Variants in BCKDHB observed in about 807,000 individuals in gnomAD.
BCKDHB encodes the protein 2-oxoisovalerate dehydrogenase subunit beta, mitochondrial.
BCKDHB carries 41 observed loss-of-function variants against 48.5 expected under a neutral mutation model. That is an observed-to-expected ratio of 0.85 (90% CI 0.66 to 1.10). The LOEUF (loss-of-function observed/expected upper bound fraction) is 1.10, where lower values mean the gene tolerates loss of function less well. Among genes scored for constraint, BCKDHB ranks in the 50% least tolerant of loss-of-function variants. BCKDHB has a pLI of 0.00. For synonymous variants in BCKDHB, 201 were observed against 174.8 expected (o/e 1.15, Z -1.18); for missense variants, 496 against 494.2 (o/e 1.00, Z -0.03).
At chr6:80,110,039 C>T (rs1582155616) in intron 1 of BCKDHB, among the ~76,000 whole-genome samples, 1 of 152,348 alleles carries the variant, frequency 6.6e-6, no homozygotes, top group East Asian at 1.9e-4. Context: ...AAATACTTTT[C>T]ACTCTTTTAT....
At chr6:80,172,130 G>A (rs1315629770) in intron 6 of BCKDHB, among the ~76,000 whole-genome samples, 1 of 151,894 alleles carries the variant, frequency 6.6e-6, no homozygotes, top group Non-Finnish European at 1.5e-5. Flanking sequence ...GTTCTTTTGT[G>A]TTTGCTTTCT....
chr6:80,362,503 G>A, the BCKDHB span, among the ~76,000 whole-genome samples: 6 of 152,074 alleles, frequency 3.9e-5, no homozygotes, highest in Admixed American at 6.5e-5. Context: ...TTTTCTTGTG[G>A]GAATAGTGCT....
At chr6:80,243,110 A>G (rs1776456353) in intron 8 of BCKDHB, among the ~76,000 whole-genome samples, 1 of 152,322 alleles carries the variant, frequency 6.6e-6, no homozygotes, top group African/African-American at 2.4e-5. Flanking sequence ...CTAGTCACTG[A>G]AAGACTGGAC....
At chr6:80,262,301 G>C (rs1473995219) in intron 8 of BCKDHB, among the ~76,000 whole-genome samples, 4 of 152,122 alleles carry the variant, frequency 2.6e-5, no homozygotes, top group African/African-American at 9.7e-5. Context: ...TATTTAGTAT[G>C]ATGCCCTGGC....
intron 9 of BCKDHB, among the ~76,000 whole-genome samples, chr6:80,304,627 C>T (rs1048585380): frequency 6.6e-6 from 1 of 152,054 alleles, no homozygotes; most frequent in Non-Finnish European, 1.5e-5. Context: ...CAAAACCAGA[C>T]AAGGATAATT....
At chr6:80,300,506 A>G (rs1767524094) in intron 9 of BCKDHB, among the ~76,000 whole-genome samples, 1 of 152,236 alleles carries the variant, frequency 6.6e-6, no homozygotes, top group African/African-American at 2.4e-5. Context: ...CCAGTTTCAT[A>G]AAACAGTTTC....
intron 6 of BCKDHB, among the ~76,000 whole-genome samples, chr6:80,192,822 CTT>C (rs11415441): frequency 6.9e-6 from 1 of 145,210 alleles, no homozygotes; most frequent in Non-Finnish European, 1.5e-5. Context: ...TATTTGCCAA[CTT>C]TTTTTTTTTT....
At chr6:80,327,632 T>C (rs1769098672) in intron 9 of BCKDHB, among the ~76,000 whole-genome samples, 1 of 152,178 alleles carries the variant, frequency 6.6e-6, no homozygotes, top group Admixed American at 6.5e-5. Flanking sequence ...TAAATAGTGT[T>C]TTCTCTGCCC....
At chr6:80,446,641 G>A in the BCKDHB span, among the ~76,000 whole-genome samples, 1 of 151,510 alleles carries the variant, frequency 6.6e-6, no homozygotes, top group Admixed American at 6.6e-5. Context: ...TAAAGAAAGA[G>A]GAAAGAAACA....
chr6:80,362,211 C>T, the BCKDHB span, among the ~76,000 whole-genome samples: 1 of 152,092 alleles, frequency 6.6e-6, no homozygotes, highest in Non-Finnish European at 1.5e-5. Flanking sequence ...TCAACTTGAT[C>T]TTATTTTCAT....
At chr6:80,120,516 A>G (rs1769950961) in intron 1 of BCKDHB, among the ~76,000 whole-genome samples, 1 of 151,926 alleles carries the variant, frequency 6.6e-6, no homozygotes, top group Non-Finnish European at 1.5e-5. Context: ...CATCCTCTCC[A>G]GCATCTGTTG....
At chr6:80,193,629 A>G (rs1008299315) in intron 6 of BCKDHB, among the ~76,000 whole-genome samples, 6 of 151,722 alleles carry the variant, frequency 4.0e-5, no homozygotes, top group Non-Finnish European at 8.8e-5. Flanking sequence ...CTGAGACAGG[A>G]GAATTGCATG....
the BCKDHB span, among the ~76,000 whole-genome samples, chr6:80,400,045 T>C: frequency 2.6e-5 from 4 of 152,176 alleles, no homozygotes; most frequent in African/African-American, 9.6e-5. Flanking sequence ...AGATTGAAAC[T>C]GTACTCCTTC....
At chr6:80,384,067 A>G in the BCKDHB span, among the ~76,000 whole-genome samples, 2 of 152,136 alleles carry the variant, frequency 1.3e-5, no homozygotes, top group Non-Finnish European at 2.9e-5. Context: ...GATGGTTAAT[A>G]CTGAGTGTCA....
At chr6:80,453,706 C>G in the BCKDHB span, among the ~76,000 whole-genome samples, 136,074 of 152,200 alleles carry the variant, frequency 0.89, 61,037 homozygotes, top group East Asian at 0.95. Flanking sequence ...GGAGTAGTGT[C>G]GGGTGTGCGA....
intron 8 of BCKDHB, among the ~76,000 whole-genome samples, chr6:80,246,228 T>G (rs1776605717): frequency 6.6e-6 from 1 of 152,218 alleles, no homozygotes; most frequent in African/African-American, 2.4e-5. Flanking sequence ...AATACACTTG[T>G]GGATATGCAG....
chr6:80,224,117 G>T (rs190505387), intron 8 of BCKDHB, among the ~76,000 whole-genome samples: 4 of 152,160 alleles, frequency 2.6e-5, no homozygotes, highest in African/African-American at 9.6e-5. Flanking sequence ...ATTTTCCACT[G>T]GCTAAGCTGT....
intron 6 of BCKDHB, among the ~76,000 whole-genome samples, chr6:80,200,471 G>A (rs1774337374): frequency 6.6e-6 from 1 of 152,102 alleles, no homozygotes; most frequent in African/African-American, 2.4e-5. Flanking sequence ...ACTTAATTCA[G>A]TTTAATAAAG....
intron 8 of BCKDHB, among the ~76,000 whole-genome samples, chr6:80,210,821 A>C (rs1443867255): frequency 6.6e-6 from 1 of 152,116 alleles, no homozygotes; most frequent in African/African-American, 2.4e-5. Context: ...GTTCTCTCTC[A>C]AGCCTTCCCA....
Sources: allele counts gnomAD v4.1 joint callset (sites outside exome capture counted in the v4.1 genomes callset), GRCh38; gene constraint gnomAD v4.1.1; transcripts MANE v1.5; gene names NCBI Gene and HGNC (gene_info 2026-07-23, HGNC 2026-07-21).